The following DDAH1 variants were observed in gnomAD, a reference collection of about 807,000 sequenced individuals.
DDAH1 encodes the protein N(G),N(G)-dimethylarginine dimethylaminohydrolase 1.
DDAH1 carries 19 observed loss-of-function variants against 28.8 expected under a neutral mutation model. That is an observed-to-expected ratio of 0.66 (90% CI 0.46 to 0.97). DDAH1 has a LOEUF of 0.97. DDAH1 is among the 50% of genes least tolerant of loss of function. The pLI is 0.00. For missense variants in DDAH1, 326 were observed against 375.9 expected, an observed-to-expected ratio of 0.87 and a Z score of 1.10; for synonymous variants, 153 against 154.4, an observed-to-expected ratio of 0.99 and a Z score of 0.07.
chr1:85,365,019 C>T (rs1022605271), intron 1 of DDAH1, among the ~76,000 whole-genome samples: 1 of 152,180 alleles, frequency 6.6e-6, no homozygotes, highest in African/African-American at 2.4e-5. Flanking sequence ...GCAATGGTAA[C>T]AGCAAACATT....
At chr1:85,566,827 G>C (rs1465067313) in intron 1 of DDAH1, among the ~76,000 whole-genome samples, 1 of 152,094 alleles carries the variant, frequency 6.6e-6, no homozygotes, top group Non-Finnish European at 1.5e-5. Context: ...GAAGTAGAGA[G>C]AGATTTATTA....
chr1:85,456,640 G>A (rs1345987360), intron 1 of DDAH1, among the ~76,000 whole-genome samples: 1 of 152,212 alleles, frequency 6.6e-6, no homozygotes, highest in Non-Finnish European at 1.5e-5. Flanking sequence ...ACGTGCGGTA[G>A]GTTACAAGTA....
intron 1 of DDAH1, among the ~76,000 whole-genome samples, chr1:85,547,478 C>T (rs1658662348): frequency 6.6e-6 from 1 of 152,164 alleles, no homozygotes; most frequent in Non-Finnish European, 1.5e-5. Flanking sequence ...ACTAAACATG[C>T]TTTTGCCTTC....
intron 1 of DDAH1, among the ~76,000 whole-genome samples, chr1:85,366,981 T>C (rs1395072615): frequency 6.6e-6 from 1 of 152,176 alleles, no homozygotes; most frequent in Non-Finnish European, 1.5e-5. Flanking sequence ...AGGCTCTGCT[T>C]ATTTGCCAAC....
At chr1:85,411,297 G>GT (rs768901867) in intron 1 of DDAH1, among the ~76,000 whole-genome samples, 6 of 152,004 alleles carry the variant, frequency 3.9e-5, no homozygotes, top group Non-Finnish European at 8.8e-5. Context: ...AACAATTGCA[G>GT]TAAGTAGCTT....
At chr1:85,536,863 G>A (rs1381156747) in intron 1 of DDAH1, among the ~76,000 whole-genome samples, 3 of 150,596 alleles carry the variant, frequency 2.0e-5, no homozygotes, top group South Asian at 2.1e-4. Flanking sequence ...CTGTACTCCC[G>A]TGTTTATGGC....
At chr1:85,419,439 C>T (rs536240038) in intron 1 of DDAH1, among the ~76,000 whole-genome samples, 1 of 148,386 alleles carries the variant, frequency 6.7e-6, no homozygotes, top group African/African-American at 2.5e-5. Context: ...ATTCGGGAGG[C>T]TGAGACAGGA....
In DDAH1 at chr1:85,321,470, G is replaced by C. The variant is rs879044506; in HGVS notation, c.840C>G (p.Asn280Lys). ...GLLTCCSVLINKKVDS is the reference protein window; with the variant it reads ...GLLTCCSVLIKKKVDS The stretch of plus-strand genomic sequence containing the variant: ...CTGCAGCTCAGGAGTCTACTTTCTT[G>C]TTAATTAAAACTGAGCAGCAGGTGA... The change falls in exon 6 of 6, where the codon AAC (asparagine) becomes AAG (lysine). Residue 280 changes from asparagine (N) to lysine (K), a missense_variant. By Grantham distance (94) the Asn-to-Lys change is moderately conservative. Coordinates refer to ENST00000284031, the MANE Select transcript of DDAH1 (RefSeq NM_012137.4). 6.2e-7 allele frequency: 1 copy of C among 1,613,670 alleles called. No individual in the cohort carries two copies. The highest frequency in any genetic ancestry group is 1.1e-5 in the South Asian group (1 of 91,056).
At chr1:85,523,742 C>T (rs1297441082) in intron 1 of DDAH1, among the ~76,000 whole-genome samples, 5 of 152,300 alleles carry the variant, frequency 3.3e-5, no homozygotes, top group South Asian at 4.1e-4. Flanking sequence ...TTTTACTCCT[C>T]ATGTGGGAAG....
chr1:85,477,441 C>G (rs375255225), intron 2 of DDAH1, among the ~76,000 whole-genome samples: 1 of 152,058 alleles, frequency 6.6e-6, no homozygotes, highest in African/African-American at 2.4e-5. Flanking sequence ...ACGTGAGAAC[C>G]ATGCAGATTC....
Position 85,465,103 on chromosome 1 carries a change from G to T in DDAH1, c.-58C>A. 8.4e-7 allele frequency: 1 copy of T among 1,191,318 alleles called. No individual in the cohort carries two copies. Among genetic ancestry groups the T allele is most frequent in the Non-Finnish European group, 1.0e-6 (1 of 962,854 alleles). 73.8% of individuals were successfully genotyped at this position (1,191,318 alleles called of 1,614,324 possible). A position where few individuals can be genotyped will look rare whatever the true frequency, so the allele number is the denominator to read the frequency against. Reference sequence around the variant, plus strand: ...CGGAGGCGGCCGGGTCCTGCCGCGGGCAGCGCGCGCTGAGCCTGCGAGCGC... The same window carrying T: ...CGGAGGCGGCCGGGTCCTGCCGCGGTCAGCGCGCGCTGAGCCTGCGAGCGC... On this transcript the variant is annotated 5_prime_UTR_variant, in exon 1 of 6. Coordinates refer to ENST00000284031, the MANE Select transcript of DDAH1 (RefSeq NM_012137.4).
chr1:85,364,860 A>G (rs528626812), intron 1 of DDAH1, among the ~76,000 whole-genome samples: 15 of 152,294 alleles, frequency 9.8e-5, no homozygotes, highest in Admixed American at 6.5e-5. Flanking sequence ...GTTGACTACT[A>G]AAACTAGCCA....
At chr1:85,443,330 T>C (rs57996130) in intron 1 of DDAH1, among the ~76,000 whole-genome samples, 7,567 of 152,226 alleles carry the variant, frequency 0.05, 304 homozygotes, top group South Asian at 0.19. Context: ...AAAGATCAGA[T>C]GGTTGTAGAT....
intron 1 of DDAH1, among the ~76,000 whole-genome samples, chr1:85,532,392 A>G (rs1260673526): frequency 6.6e-6 from 1 of 152,056 alleles, no homozygotes; most frequent in Non-Finnish European, 1.5e-5. Context: ...CTAGTATTAC[A>G]AAGCTATGAA....
intron 1 of DDAH1, among the ~76,000 whole-genome samples, chr1:85,456,845 AC>A (rs753611992): frequency 4.0e-5 from 6 of 151,642 alleles, no homozygotes; most frequent in East Asian, 1.9e-4. Context: ...AACTTACAGG[AC>A]CCCCCCACCC....
chr1:85,500,020 G>C (rs1656737135), intron 1 of DDAH1, among the ~76,000 whole-genome samples: 1 of 151,970 alleles, frequency 6.6e-6, no homozygotes, highest in African/African-American at 2.4e-5. Context: ...TTGCTTGGCA[G>C]TGTTTTTCTT....
At chr1:85,381,469 G>A (rs762599943) in intron 1 of DDAH1, among the ~76,000 whole-genome samples, 1 of 151,700 alleles carries the variant, frequency 6.6e-6, no homozygotes, top group Non-Finnish European at 1.5e-5. Flanking sequence ...GTTACCCAAT[G>A]TGTAGTCTTT....
intron 1 of DDAH1, among the ~76,000 whole-genome samples, chr1:85,385,346 A>G (rs1224643883): frequency 6.6e-6 from 1 of 152,244 alleles, no homozygotes; most frequent in Non-Finnish European, 1.5e-5. Context: ...GACCAGGATC[A>G]TCTTAGAAAT....
intron 1 of DDAH1, among the ~76,000 whole-genome samples, chr1:85,542,601 A>T (rs1414356697): frequency 6.6e-6 from 1 of 152,196 alleles, no homozygotes; most frequent in African/African-American, 2.4e-5. Context: ...TTAAGGGAAG[A>T]GCCTTCTGTC....
Sources: gnomAD v4.1 joint callset for allele counts (sites outside exome capture counted in the v4.1 genomes callset) on GRCh38, gnomAD v4.1.1 for gene constraint, MANE v1.5 for transcripts, NCBI Gene and HGNC (gene_info 2026-07-23, HGNC 2026-07-21) for gene names.